Variants in CPNE8 observed in about 807,000 individuals in gnomAD.
CPNE8 encodes copine-8.
A neutral mutation model predicts 81.5 loss-of-function variants in CPNE8; 45 were observed. That is an observed-to-expected ratio of 0.55 (90% CI 0.44 to 0.71). The LOEUF is 0.71. CPNE8 is among the 30% of genes least tolerant of loss of function. CPNE8 has a pLI of 0.00. For synonymous variants in CPNE8, 252 were observed against 226.3 expected (o/e 1.11, Z -1.02); for missense variants, 594 against 672.1 (o/e 0.88, Z 1.28).
Position 38,652,606 on chromosome 12 carries a change from A to G in CPNE8, c.*1276T>C, listed in dbSNP as rs1938723633. 1.3e-5 allele frequency: 2 copies of G among 152,632 alleles called. No individual in the cohort carries two copies. The highest frequency in any genetic ancestry group is 4.1e-4 in the South Asian group (2 of 4,834). 9.5% of individuals were successfully genotyped at this position (152,632 alleles called of 1,614,324 possible). On this transcript the variant is annotated 3_prime_UTR_variant, in exon 20 of 20. Coordinates refer to ENST00000331366, the MANE Select transcript of CPNE8 (RefSeq NM_153634.3). ...AAGCAGTTACATTTTTGACACACACACACACACAAATAAATACACTTTTCT... is the reference window on the plus strand; with the variant it reads ...AAGCAGTTACATTTTTGACACACACGCACACACAAATAAATACACTTTTCT...
chr12:38,885,672 T>C (rs1410516329), intron 1 of CPNE8, among the ~76,000 whole-genome samples: 1 of 152,116 alleles, frequency 6.6e-6, no homozygotes, highest in East Asian at 1.9e-4. Flanking sequence ...TTCTCTAAAC[T>C]ACATGGTGGG....
chr12:38,755,922 C>G (rs1941447579), intron 10 of CPNE8, among the ~76,000 whole-genome samples: 1 of 150,546 alleles, frequency 6.6e-6, no homozygotes, highest in African/African-American at 2.4e-5. Context: ...CGCCTGTAGT[C>G]CCAGCTACTC....
intron 19 of CPNE8, 72 bp downstream of exon 19, chr12:38,670,657 G>C (rs1939153901): frequency 3.0e-6 from 3 of 1,003,498 alleles, no homozygotes; most frequent in Non-Finnish European, 4.5e-6. Flanking sequence ...TATATTTCTA[G>C]CTTCTAATTT....
chr12:38,805,670 A>G (rs1204601174), intron 6 of CPNE8, among the ~76,000 whole-genome samples: 4 of 37,540 alleles, frequency 1.1e-4, no homozygotes, highest in Non-Finnish European at 1.3e-4. Context: ...ATAAAAAAAA[A>G]AAACATTAAA....
intron 19 of CPNE8, among the ~76,000 whole-genome samples, chr12:38,670,144 A>T: frequency 6.6e-6 from 1 of 152,266 alleles, no homozygotes. Flanking sequence ...ATGGGTGAAT[A>T]TATATGTTAC....
intron 3 of CPNE8, among the ~76,000 whole-genome samples, chr12:38,857,768 C>T (rs1055793150): frequency 6.6e-6 from 1 of 152,100 alleles, no homozygotes; most frequent in Non-Finnish European, 1.5e-5. Flanking sequence ...TGGTGGCAGG[C>T]ACCTGTAATC....
chr12:38,902,264 G>GA lies in CPNE8; in HGVS notation c.98+3172dup, dbSNP rs1565669778. On this transcript the variant is annotated intron_variant, in intron 1 of 19. Transcript: ENST00000331366. ...AAGAAAGAAAGAAAGAAAAAAGAAA[G>GA]AAAGAAAAAGAAAAGAAAGAAGGAA... Among the ~76,000 whole-genome samples the GA allele has an allele frequency of 1.3e-3, 57 of 43,592 alleles. 11 individuals carry two copies. Among genetic ancestry groups the GA allele is most frequent in the African/African-American group, 4.1e-3 (57 of 13,778 alleles). 28.6% of individuals were successfully genotyped at this position (43,592 alleles called of 152,430 possible).
intron 3 of CPNE8, among the ~76,000 whole-genome samples, chr12:38,851,036 C>G (rs559129485): frequency 6.6e-6 from 1 of 152,204 alleles, no homozygotes; most frequent in Non-Finnish European, 1.5e-5. Context: ...ATTTGCCCTT[C>G]CGTCTTCCAC....
chr12:38,878,236 G>A (rs1225570039), intron 1 of CPNE8, among the ~76,000 whole-genome samples: 1 of 152,144 alleles, frequency 6.6e-6, no homozygotes, highest in Non-Finnish European at 1.5e-5. Context: ...TAATAAACTT[G>A]CTTTCACTTT....
At position 38,702,900 on chromosome 12, in the gene CPNE8, C is replaced by A; in HGVS notation, c.936G>T (p.Val312=). The stretch of plus-strand genomic sequence containing the variant: ...CGTTTGATGCTGTAAAATCAATAGC[C>A]ACTGTGAAATTGATTTGCGTCCTGG... ...IKGGTQINFT[V]AIDFTASNGN... The change falls in exon 14 of 20, where the codon GTG becomes GTT. Residue 312 remains valine (V), a synonymous_variant. Transcript: ENST00000331366. The A allele has an allele frequency of 6.4e-7, 1 of 1,574,350 alleles. No homozygotes were observed. Among genetic ancestry groups the A allele is most frequent in the Admixed American group, 1.8e-5 (1 of 56,028 alleles).
chr12:38,855,701 T>TG (rs1943719749), intron 3 of CPNE8, among the ~76,000 whole-genome samples: 1 of 152,106 alleles, frequency 6.6e-6, no homozygotes, highest in African/African-American at 2.4e-5. Context: ...TATTTCAAAA[T>TG]TGCTAAGACA....
At chr12:38,854,964 T>G (rs1943707032) in intron 3 of CPNE8, among the ~76,000 whole-genome samples, 1 of 152,106 alleles carries the variant, frequency 6.6e-6, no homozygotes, top group South Asian at 2.1e-4. Context: ...GTGAAACTGT[T>G]TCTATTTGCC....
At chr12:38,744,194 T>C (rs1348700593) in intron 10 of CPNE8, among the ~76,000 whole-genome samples, 1 of 152,156 alleles carries the variant, frequency 6.6e-6, no homozygotes, top group Non-Finnish European at 1.5e-5. Flanking sequence ...TCTGTGTCTG[T>C]TGGGAAGCAT....
intron 1 of CPNE8, among the ~76,000 whole-genome samples, chr12:38,891,258 C>T (rs1188731647): frequency 6.6e-6 from 1 of 151,984 alleles, no homozygotes; most frequent in Non-Finnish European, 1.5e-5. Context: ...TTAGAATGTA[C>T]TGTGGCCACC....
chr12:38,895,672 G>A (rs1944379433), intron 1 of CPNE8, among the ~76,000 whole-genome samples: 1 of 152,014 alleles, frequency 6.6e-6, no homozygotes, highest in Non-Finnish European at 1.5e-5. Context: ...TCTGTGTTTT[G>A]CATCCTCAGA....
chr12:38,803,433 A>G (rs1942736036), intron 6 of CPNE8, among the ~76,000 whole-genome samples: 1 of 150,630 alleles, frequency 6.6e-6, no homozygotes, highest in Non-Finnish European at 1.5e-5. Flanking sequence ...TAGATGCAGA[A>G]AAAGCCTTTG....
intron 15 of CPNE8, 77 bp from the exon 16 acceptor site, chr12:38,685,694 T>C: frequency 6.7e-7 from 1 of 1,482,306 alleles, no homozygotes; most frequent in Non-Finnish European, 9.2e-7. Context: ...TTGAAAGAGA[T>C]GAGAATAATA....
intron 6 of CPNE8, among the ~76,000 whole-genome samples, chr12:38,779,193 T>G (rs1941995290): frequency 6.6e-6 from 1 of 152,152 alleles, no homozygotes; most frequent in African/African-American, 2.4e-5. Flanking sequence ...TCTTTATAAA[T>G]GCTCAGATAA....
At chr12:38,823,160 C>T (rs920532624) in intron 6 of CPNE8, among the ~76,000 whole-genome samples, 2 of 152,150 alleles carry the variant, frequency 1.3e-5, no homozygotes, top group East Asian at 3.8e-4. Context: ...CAAGCCAACC[C>T]TGTAAGTCTC....
Sources: allele counts gnomAD v4.1 joint callset (sites outside exome capture counted in the v4.1 genomes callset), GRCh38; gene constraint gnomAD v4.1.1; transcripts MANE v1.5; gene names NCBI Gene and HGNC (gene_info 2026-07-23, HGNC 2026-07-21).